The following FARP1 variants were observed in gnomAD, a reference collection of about 807,000 sequenced individuals.
The protein encoded by FARP1 is FERM, ARH/RhoGEF and pleckstrin domain protein 1, also known as FERM, ARHGEF and pleckstrin domain-containing protein 1.
Under a neutral mutation model 128.8 loss-of-function variants are expected in FARP1, and 52 were observed. The ratio of observed to expected loss-of-function variants is 0.40; its 90% confidence interval spans 0.32 to 0.51. FARP1 has a LOEUF of 0.51. Among genes scored for constraint, FARP1 ranks in the 20% least tolerant of loss-of-function variants. The probability of loss-of-function intolerance (pLI) is 0.45; values close to 1 mark genes in which losing one functional copy is unlikely to be tolerated. For synonymous variants in FARP1, 580 were observed against 551.8 expected (o/e 1.05, Z -0.72); for missense variants, 1,333 against 1,367.9 (o/e 0.97, Z 0.40).
chr13:98,322,628 A>G (rs1887048466), intron 2 of FARP1, among the ~76,000 whole-genome samples: 1 of 152,208 alleles, frequency 6.6e-6, no homozygotes, highest in Admixed American at 6.5e-5. Context: ...CATGCTCCTT[A>G]TTGGAAACAG....
intron 1 of FARP1, among the ~76,000 whole-genome samples, chr13:98,147,388 A>G (rs1875649673): frequency 6.6e-6 from 1 of 152,158 alleles, no homozygotes; most frequent in Non-Finnish European, 1.5e-5. Context: ...CATCATTTAC[A>G]CTGAATGAAT....
intron 2 of FARP1, among the ~76,000 whole-genome samples, chr13:98,228,860 G>C (rs1881946791): frequency 6.6e-6 from 1 of 152,182 alleles, no homozygotes; most frequent in Non-Finnish European, 1.5e-5. Context: ...TGATACTGAA[G>C]TTACTAAAGG....
chr13:98,339,126 C>T (rs192796610), intron 2 of FARP1, among the ~76,000 whole-genome samples: 3 of 152,284 alleles, frequency 2.0e-5, no homozygotes, highest in Admixed American at 1.3e-4. Context: ...CATTTGTATT[C>T]GTCCATTCTC....
At position 98,452,279 on chromosome 13, in the gene FARP1, C is replaced by T. The variant is rs1893237056; in HGVS notation, c.*3962C>T. 1.3e-5 allele frequency: 2 copies of T among 152,306 alleles called. No homozygotes were observed. The highest frequency in any genetic ancestry group is 2.4e-5 in the African/African-American group (1 of 41,436). The allele number at this position is 152,306 out of a possible 1,614,324, so 9.4% of individuals were successfully genotyped here. ...GTATTGGAAAGGACGGTACATCTGG[C>T]GCAGACCAGCAGTGGCACGATTCCA... On this transcript the variant is annotated 3_prime_UTR_variant, in exon 27 of 27. Transcript: ENST00000319562.
At chr13:98,385,418 A>C (rs7358815) in intron 7 of FARP1, among the ~76,000 whole-genome samples, 2 of 89,528 alleles carry the variant, frequency 2.2e-5, no homozygotes, top group African/African-American at 1.2e-4. Context: ...CAAAAAAAAC[A>C]AAAAAAACAA....
chr13:98,437,737 G>C, intron 19 of FARP1: 1 of 1,112,532 alleles, frequency 9.0e-7, no homozygotes, highest in Middle Eastern at 2.7e-4. Flanking sequence ...TCTCCGCTTT[G>C]TCTTTTTGCT....
chr13:98,379,694 A>G (rs531422786), intron 6 of FARP1, among the ~76,000 whole-genome samples: 25 of 152,294 alleles, frequency 1.6e-4, no homozygotes, highest in African/African-American at 5.5e-4. Context: ...ATATCCTCCC[A>G]TAGACTGTAA....
At chr13:98,144,047 G>T (rs900046746) in intron 1 of FARP1, among the ~76,000 whole-genome samples, 1 of 152,006 alleles carries the variant, frequency 6.6e-6, no homozygotes, top group Non-Finnish European at 1.5e-5. Flanking sequence ...TTTACTGTCT[G>T]CCTTTATGCA....
At chr13:98,313,620 C>T (rs1471150948) in intron 2 of FARP1, among the ~76,000 whole-genome samples, 2 of 152,248 alleles carry the variant, frequency 1.3e-5, no homozygotes, top group Admixed American at 6.5e-5. Flanking sequence ...AAGCCAGCTA[C>T]CTAAGGCTGC....
chr13:98,434,525 C>G (rs766299297), intron 18 of FARP1: 16 of 152,194 alleles, frequency 1.1e-4, no homozygotes, highest in Admixed American at 2.0e-4. Flanking sequence ...GTTCAGTCAA[C>G]AAGTATTTCT....
At chr13:98,311,833 T>G (rs1261848997) in intron 2 of FARP1, among the ~76,000 whole-genome samples, 6 of 139,402 alleles carry the variant, frequency 4.3e-5, no homozygotes, top group South Asian at 2.5e-4. Flanking sequence ...TTTCGTTTTG[T>G]TTTTTTTTGT....
intron 1 of FARP1, among the ~76,000 whole-genome samples, chr13:98,188,169 A>G (rs1190562899): frequency 6.6e-6 from 1 of 152,016 alleles, no homozygotes; most frequent in Non-Finnish European, 1.5e-5. Context: ...CACCCCTCGC[A>G]TTTCGGCAGC....
chr13:98,322,037 C>T (rs1301537265), intron 2 of FARP1, among the ~76,000 whole-genome samples: 1 of 152,316 alleles, frequency 6.6e-6, no homozygotes, highest in Admixed American at 6.5e-5. Flanking sequence ...GTGGCTCACG[C>T]CTTTAGTCCC....
At chr13:98,159,538 C>T (rs12875055) in intron 1 of FARP1, 1 of 146,504 alleles carries the variant, frequency 6.8e-6, no homozygotes, top group Non-Finnish European at 1.5e-5. Flanking sequence ...ATGGCGTGAT[C>T]TCAGCTCACC....
At chr13:98,210,704 C>T (rs1880647498) in intron 1 of FARP1, among the ~76,000 whole-genome samples, 1 of 152,092 alleles carries the variant, frequency 6.6e-6, no homozygotes, top group Non-Finnish European at 1.5e-5. Flanking sequence ...CGCCCGCCAC[C>T]ACGCCTGGCT....
chr13:98,396,696 GA>G, intron 13 of FARP1: 1 of 389,478 alleles, frequency 2.6e-6, no homozygotes, highest in Non-Finnish European at 4.5e-6. Flanking sequence ...TTGCTTTCCA[GA>G]AAAGGTGGGC....
chr13:98,429,726 G>C (rs1310722494), intron 17 of FARP1, among the ~76,000 whole-genome samples: 2 of 152,184 alleles, frequency 1.3e-5, no homozygotes, highest in African/African-American at 4.8e-5. Flanking sequence ...TTTTTCCGGG[G>C]CGTGGGAGTG....
intron 2 of FARP1, among the ~76,000 whole-genome samples, chr13:98,292,600 C>T (rs1489296237): frequency 6.6e-6 from 1 of 152,188 alleles, no homozygotes; most frequent in African/African-American, 2.4e-5. Flanking sequence ...CATCTGTGGC[C>T]AGTGGCTACT....
intron 2 of FARP1, among the ~76,000 whole-genome samples, chr13:98,311,193 T>C (rs1386573583): frequency 1.3e-5 from 2 of 152,260 alleles, no homozygotes; most frequent in Non-Finnish European, 2.9e-5. Context: ...ATATTTTTCA[T>C]GTTTACTGCA....
Sources: gnomAD v4.1 joint callset for allele counts (sites outside exome capture counted in the v4.1 genomes callset) on GRCh38, gnomAD v4.1.1 for gene constraint, MANE v1.5 for transcripts, NCBI Gene and HGNC (gene_info 2026-07-23, HGNC 2026-07-21) for gene names.